ATG2A: variants seen among roughly 807,000 people sequenced by gnomAD.
ATG2A encodes the protein autophagy related 2A, also known as autophagy-related protein 2 homolog A.
In ATG2A, 103 loss-of-function variants were observed where a neutral mutation model predicts 214.2. The observed-to-expected ratio is 0.48, with a 90% CI of 0.41 to 0.57. The LOEUF (loss-of-function observed/expected upper bound fraction) is 0.57, where lower values mean the gene tolerates loss of function less well. Ranked by LOEUF, ATG2A falls within the 20% of genes least tolerant of loss-of-function variation. ATG2A has a pLI of 0.00. For missense variants in ATG2A, 2,312 were observed against 2,613.2 expected (o/e 0.88, Z 2.51); for synonymous variants, 1,160 against 1,142.1 (o/e 1.02, Z -0.32).
rs779585967 is a variant in ATG2A, at chr11:64,909,942, G to A, written c.1864-18C>T. On this transcript the variant is annotated intron_variant, in intron 13 of 40. Transcript: ENST00000377264. ...GGCTCTGTCTGCAGGAGGATTGGGG[G>A]TCAGAGCAGCCGTCGGAGCCCCTCC... 1.9e-6 allele frequency: 3 copies of A among 1,592,398 alleles called. No individual in the cohort carries two copies. Among genetic ancestry groups the A allele is most frequent in the African/African-American group, 1.3e-5 (1 of 74,724 alleles).
At chr11:64,906,225 G>A (rs1284507827) in intron 21 of ATG2A, 32 bp from the exon 22 acceptor site, 29 of 1,610,852 alleles carry the variant, frequency 1.8e-5, no homozygotes, top group Non-Finnish European at 2.3e-5. Context: ...GGGCAGTGGG[G>A]AGGCCAGCCC....
rs1224316307 is a variant in ATG2A, at chr11:64,902,527, C to T, written c.3766G>A (p.Ala1256Thr). The part of the protein sequence containing the change: ...PPRPPSPTEI[A>T]GQKLSESPAS... ...GGCCTCACCTGTACCTTCTGGCCGGCGATCTCCGTGGGGCTGGGGGGCCGG... is the reference window on the plus strand; with the variant it reads ...GGCCTCACCTGTACCTTCTGGCCGGTGATCTCCGTGGGGCTGGGGGGCCGG... The change falls in exon 27 of 41, where the codon GCC becomes ACC. Residue 1256 changes from alanine to threonine, a missense_variant. Coordinates refer to ENST00000377264, the MANE Select transcript of ATG2A (RefSeq NM_015104.3). The T allele has an allele frequency of 1.2e-5, 19 of 1,540,310 alleles. No homozygotes were observed. The highest frequency in any genetic ancestry group is 2.0e-5 in the Admixed American group (1 of 50,848).
chr11:64,911,271 C>T lies in ATG2A; in HGVS notation c.1233G>A (p.Lys411=). The T allele has an allele frequency of 6.2e-7, 1 of 1,613,494 alleles. No homozygotes were observed. Among genetic ancestry groups the T allele is most frequent in the Non-Finnish European group, 8.5e-7 (1 of 1,179,984 alleles). Residue 411 remains lysine, a synonymous_variant, in exon 10 of 41, where the codon AAG becomes AAA. Transcript: ENST00000377264. ...RLSAQAHPAG[K]MAPNPLLDTM... is the part of the protein sequence containing the mutation. Reference sequence around the variant, plus strand: ...TGTCCAGGAGGGGGTTGGGGGCCATCTTGCCTGAGGGGACAGAGGCTTCAG... The same window carrying T: ...TGTCCAGGAGGGGGTTGGGGGCCATTTTGCCTGAGGGGACAGAGGCTTCAG...
In ATG2A at chr11:64,902,179, A is replaced by G; in HGVS notation, c.3905-3T>C. On this transcript the variant is annotated splice_polypyrimidine_tract_variant and splice_region_variant and intron_variant, in intron 28 of 40. Transcript: ENST00000377264. ...CGACGCCTGAGGGAGGTGGCCACCT[A>G]TAGGAGAGAGGCCAGTTTGGAGAGG... 1 of 1,612,840 alleles carries G rather than the reference A, an allele frequency of 6.2e-7. No homozygotes were observed. Among genetic ancestry groups the G allele is most frequent in the Non-Finnish European group, 8.5e-7 (1 of 1,179,958 alleles).
rs148849835 is a variant in ATG2A, at chr11:64,909,361, T to G, written c.2114A>C (p.Tyr705Ser). The change falls in exon 15 of 41, where the codon TAT becomes TCT. Residue 705 changes from tyrosine (Y) to serine (S), a missense_variant. Coordinates refer to ENST00000377264, the MANE Select transcript of ATG2A (RefSeq NM_015104.3). ...ELTCSDLHGIYEDGGKPPVPC... is the reference protein window; with the variant it reads ...ELTCSDLHGISEDGGKPPVPC... ...GACAGGTGGCTTCCCTCCATCTTCA[T>G]AGATACCTGGAGGGGGATGGGGAAT... 4.3e-6 allele frequency: 7 copies of G among 1,612,654 alleles called. No homozygotes were observed. Among genetic ancestry groups the G allele is most frequent in the Non-Finnish European group, 5.9e-6 (7 of 1,179,682 alleles).
intron 37 of ATG2A, 152 bp from the exon 38 acceptor site, chr11:64,897,021 G>T: frequency 5.5e-6 from 6 of 1,082,228 alleles, no homozygotes; most frequent in African/African-American, 1.6e-5. Flanking sequence ...GAGGGACTGT[G>T]TCCTTTTTTT....
rs1944610079 is a variant in ATG2A at position 64,907,807 on chromosome 11, G to C, written c.2448C>G (p.Ile816Met). The C allele has an allele frequency of 6.2e-7, 1 of 1,613,550 alleles. No individual in the cohort carries two copies. The highest frequency in any genetic ancestry group is 8.5e-7 in the Non-Finnish European group (1 of 1,179,982). ...LALSRCSLEV[I>M]LPSVHIFLPS... is the part of the protein sequence containing the mutation. ...GCAGAAAGATGTGGACACTGGGCAG[G>C]ATCACTTCCAGGCTGCAGCGGGACA... Residue 816 changes from isoleucine to methionine, a missense_variant, in exon 17 of 41, where the codon ATC becomes ATG. By Grantham distance (10) the Ile-to-Met change is conservative (BLOSUM62 1). Transcript: ENST00000377264.
In ATG2A at chr11:64,911,984, T is replaced by C. The variant is rs2136632250; in HGVS notation, c.1088-2A>G. 1 of 1,613,796 alleles carries C rather than the reference T, an allele frequency of 6.2e-7. No homozygotes were observed. The highest frequency in any genetic ancestry group is 8.5e-7 in the Non-Finnish European group (1 of 1,179,840). On this transcript the variant is annotated splice_acceptor_variant, in intron 8 of 40. Transcript: ENST00000377264. LOFTEE classifies it high-confidence loss of function. The stretch of plus-strand genomic sequence containing the variant: ...GGCCAGCCATGGAGAAGAAGAGGTC[T>C]GTGGGTGAAGTGAGGAGTGTCAGGG...
intron 2 of ATG2A, 25 bp downstream of exon 2, chr11:64,914,313 G>T: frequency 6.4e-7 from 1 of 1,572,638 alleles, no homozygotes; most frequent in East Asian, 2.3e-5. Flanking sequence ...CCACTTGCCT[G>T]CCCCCAGCCT....
chr11:64,906,906 A>G, intron 19 of ATG2A, 91 bp from the exon 20 acceptor site: 3 of 1,449,502 alleles, frequency 2.1e-6, no homozygotes, highest in Non-Finnish European at 2.8e-6. Context: ...GCCCTGGCCT[A>G]AGGGGGTCAG....
chr11:64,911,727 T>A, intron 9 of ATG2A, 115 bp downstream of exon 9: 1 of 1,422,444 alleles, frequency 7.0e-7, no homozygotes, highest in South Asian at 1.3e-5. Context: ...AAGTCACAGA[T>A]GGTAGATATC....
chr11:64,898,476 C>T lies in ATG2A; in HGVS notation c.4672-114G>A, dbSNP rs11824823. 10,191 of 1,314,614 alleles carry T rather than the reference C, an allele frequency of 7.8e-3. 567 individuals carry two copies. The African/African-American group carries it at 0.13, about 17-fold the overall frequency. The allele number at this position is 1,314,614 out of a possible 1,614,324, so 81.4% of individuals were successfully genotyped here. A position where few individuals can be genotyped will look rare whatever the true frequency, so the allele number is the denominator to read the frequency against. ...CTGCCTCTGAACACGCTGTTCCCTT[C>T]GCTAACACAGCCCCTAGCTCTGCCC... On this transcript the variant is annotated intron_variant, in intron 32 of 40. Transcript: ENST00000377264. The surrounding 1 kb of genome is among the most constrained non-coding windows in gnomAD (Gnocchi z 4.5).
chr11:64,905,924 C>A, intron 22 of ATG2A, 76 bp from the exon 23 acceptor site: 1 of 1,476,414 alleles, frequency 6.8e-7, no homozygotes, highest in Non-Finnish European at 9.3e-7. Flanking sequence ...CCTGTCCTGG[C>A]CCCTGCCTGG....
rs1007739859 is a variant in ATG2A, at chr11:64,905,594, T to C, written c.3433A>G (p.Ile1145Val). 3 of 1,613,164 alleles carry C rather than the reference T, an allele frequency of 1.9e-6. No homozygotes were observed. Among genetic ancestry groups the C allele is most frequent in the Non-Finnish European group, 1.7e-6 (2 of 1,179,758 alleles). ...TAETFTLSSN[I>V]IMDTSTFLLR... Reference sequence around the variant, plus strand: ...AGGAAGGTGGAGGTGTCCATGATGATGTTGCTGGAGAGAGTGAAGGTCTCC... The same window carrying C: ...AGGAAGGTGGAGGTGTCCATGATGACGTTGCTGGAGAGAGTGAAGGTCTCC... Residue 1145 changes from isoleucine (I) to valine (V), a missense_variant, in exon 24 of 41, where the codon ATC (isoleucine) becomes GTC (valine). Transcript: ENST00000377264.
In ATG2A at chr11:64,905,671, G is replaced by C. The variant is rs758391042; in HGVS notation, c.3372-16C>G. The C allele has an allele frequency of 3.7e-6, 6 of 1,613,536 alleles. No homozygotes were observed. Among genetic ancestry groups the C allele is most frequent in the Non-Finnish European group, 4.2e-6 (5 of 1,179,866 alleles). The stretch of plus-strand genomic sequence containing the variant: ...GTAGAGTGGCCTGGGGGTGATACTC[G>C]GGCTGGGGCCGGCTCCTTACACCTG... On this transcript the variant is annotated splice_polypyrimidine_tract_variant and intron_variant, in intron 23 of 40. Transcript: ENST00000377264.
Position 64,911,209 on chromosome 11 carries a change from C to A in ATG2A, c.1295G>T (p.Gly432Val). 1 of 1,614,108 alleles carries A rather than the reference C, an allele frequency of 6.2e-7. No homozygotes were observed. Among genetic ancestry groups the A allele is most frequent in the East Asian group, 2.2e-5 (1 of 44,888 alleles). Reference sequence around the variant, plus strand: ...CTGAAGCAAGGTCAGGGTCACACCCCCCAAGGTCATCTTCAGCAGCGAGTC... The same window carrying A: ...CTGAAGCAAGGTCAGGGTCACACCCACCAAGGTCATCTTCAGCAGCGAGTC... ...RPDSLLKMTLGGVTLTLLQTS... is the reference protein window; with the variant it reads ...RPDSLLKMTLVGVTLTLLQTS... The change falls in exon 10 of 41, where the codon GGG becomes GTG. Residue 432 changes from glycine to valine, a missense_variant. Transcript: ENST00000377264.
intron 9 of ATG2A, 80 bp downstream of exon 9, chr11:64,911,762 G>T: frequency 6.4e-7 from 1 of 1,564,094 alleles, no homozygotes; most frequent in African/African-American, 1.4e-5. Context: ...GATTTCCTGT[G>T]TGCCTCTGAC....
chr11:64,905,844 A>G lies in ATG2A; in HGVS notation c.3269T>C (p.Leu1090Ser). The G allele has an allele frequency of 1.2e-6, 2 of 1,613,356 alleles. No homozygotes were observed. The highest frequency in any genetic ancestry group is 1.7e-6 in the Non-Finnish European group (2 of 1,179,964). Reference sequence around the variant, plus strand: ...GTCATCCAGCACGTCTAGGAACTCCAACAACTTCAGAGGCCAGGGCAGGAG... The same window carrying G: ...GTCATCCAGCACGTCTAGGAACTCCGACAACTTCAGAGGCCAGGGCAGGAG... ...LPEQSWHSQL[L>S]EFLDVLDDPV... is the part of the protein sequence containing the mutation. Residue 1090 changes from leucine (L) to serine (S), a missense_variant, in exon 23 of 41, where the codon TTG becomes TCG. Coordinates refer to ENST00000377264, the MANE Select transcript of ATG2A (RefSeq NM_015104.3).
intron 1 of ATG2A, 95 bp downstream of exon 1, chr11:64,916,870 G>T: frequency 6.5e-7 from 1 of 1,529,140 alleles, no homozygotes; most frequent in Non-Finnish European, 8.8e-7. Flanking sequence ...TCTACGCCCG[G>T]TGCCTGATCC....
Sources: gnomAD v4.1 joint callset for allele counts on GRCh38, gnomAD v4.1.1 for gene constraint, Gnocchi (gnomAD v3.1) non-coding constraint, MANE v1.5 for transcripts, NCBI Gene and HGNC (gene_info 2026-07-23, HGNC 2026-07-21) for gene names.